SCN2A: variants seen among roughly 807,000 people sequenced by gnomAD.
SCN2A encodes the protein sodium voltage-gated channel alpha subunit 2.
A neutral mutation model predicts 188.7 loss-of-function variants in SCN2A; 20 were observed. The observed-to-expected ratio is 0.11, with a 90% CI of 0.07 to 0.15. SCN2A has a LOEUF of 0.15. SCN2A is among the 10% of genes least tolerant of loss of function. SCN2A has a pLI of 1.00. For missense variants in SCN2A, 1,278 were observed against 2,445.0 expected (o/e 0.52, Z 10.07); for synonymous variants, 804 against 833.1 (o/e 0.97, Z 0.60).
At chr2:165,268,559 A>G (rs1694974613) in intron 1 of SCN2A, 1 of 152,426 alleles carries the variant, frequency 6.6e-6, no homozygotes, top group Non-Finnish European at 1.5e-5. Flanking sequence ...GCCATCTGTG[A>G]CAAACCCAGA....
intron 1 of SCN2A, among the ~76,000 whole-genome samples, chr2:165,286,850 G>A (rs1222875307): frequency 6.6e-6 from 1 of 152,116 alleles, no homozygotes; most frequent in Non-Finnish European, 1.5e-5. Context: ...GGGAAATGAG[G>A]TGTGTCCAAT....
rs141269163 is a variant in SCN2A, at chr2:165,315,665, G to A, written c.1578G>A (p.Ser526=). 9 of 1,613,888 alleles carry A rather than the reference G, an allele frequency of 5.6e-6. No individual in the cohort carries two copies. The highest frequency in any genetic ancestry group is 1.3e-5 in the African/African-American group (1 of 74,908). Residue 526 remains serine, a synonymous_variant, in exon 11 of 27, where the codon TCG becomes TCA. Transcript: ENST00000375437. The part of the protein sequence containing the change: ...EEEKNDRVRK[S]ESEDSIRRKG... ...AGAAAAATGACAGAGTCCGAAAATC[G>A]GAATCTGAAGACAGCATAAGAAGAA...
chr2:165,304,226 T>A (rs1272823135), intron 3 of SCN2A, among the ~76,000 whole-genome samples: 1 of 152,010 alleles, frequency 6.6e-6, no homozygotes, highest in Non-Finnish European at 1.5e-5. Context: ...GCCTCCTGAT[T>A]AGCTGGGATT....
At position 165,313,937 on chromosome 2, in the gene SCN2A, T is replaced by C. The variant is rs1354055838; in HGVS notation, c.1212T>C (p.Phe404=). 1 of 1,613,758 alleles carries C rather than the reference T, an allele frequency of 6.2e-7. No homozygotes were observed. Among genetic ancestry groups the C allele is most frequent in the Admixed American group, 1.7e-5 (1 of 59,988 alleles). ...CTGCTGGGAAAACGTACATGATATT[T>C]TTTGTGCTGGTCATTTTCTTGGGCT... The part of the protein sequence containing the change: ...LRAAGKTYMI[F]FVLVIFLGSF... Residue 404 remains phenylalanine, a synonymous_variant, in exon 10 of 27, where the codon TTT becomes TTC. Coordinates refer to ENST00000375437, the MANE Select transcript of SCN2A (RefSeq NM_001040142.2).
chr2:165,297,184 G>C, intron 3 of SCN2A, 49 bp downstream of exon 3: 1 of 1,105,550 alleles, frequency 9.0e-7, no homozygotes, highest in Non-Finnish European at 1.4e-6. Flanking sequence ...CTTTGACCAA[G>C]TTATTGAGCT....
At chr2:165,292,216 G>C (rs918326000) in intron 1 of SCN2A, among the ~76,000 whole-genome samples, 1 of 152,124 alleles carries the variant, frequency 6.6e-6, no homozygotes, top group East Asian at 1.9e-4. Context: ...CAATTAGTTT[G>C]AGACATCTTT....
rs1344682097 is a variant in SCN2A at position 165,354,420 on chromosome 2, G to A, written c.3148G>A (p.Asp1050Asn). Residue 1050 changes from aspartate (D) to asparagine (N), a missense_variant, in exon 17 of 27, where the codon GAC becomes AAC. Asp to Asn is a conservative substitution (Grantham distance 23). Transcript: ENST00000375437. ...GCTTGAAGATCTAAATAATAAAAAAGACAGCTGTATTTCCAACCATACCAC... is the reference window on the plus strand; with the variant it reads ...GCTTGAAGATCTAAATAATAAAAAAAACAGCTGTATTTCCAACCATACCAC... ...KPLEDLNNKK[D>N]SCISNHTTIE... The A allele has an allele frequency of 6.2e-7, 1 of 1,613,970 alleles. No homozygotes were observed. The highest frequency in any genetic ancestry group is 8.5e-7 in the Non-Finnish European group (1 of 1,180,002).
At chr2:165,243,974 C>T (rs1346787135) in intron 1 of SCN2A, 2 of 152,018 alleles carry the variant, frequency 1.3e-5, no homozygotes, top group Admixed American at 1.3e-4. Flanking sequence ...GATGGGCCAC[C>T]GTGGCTCTTG....
At chr2:165,244,663 A>G (rs1274569983) in intron 1 of SCN2A, among the ~76,000 whole-genome samples, 2 of 152,188 alleles carry the variant, frequency 1.3e-5, no homozygotes, top group Non-Finnish European at 2.9e-5. Context: ...GTTTGTACTT[A>G]CTAAAATAAC....
Position 165,315,614 on chromosome 2 carries a change from A to G in SCN2A, c.1527A>G (p.Lys509=), listed in dbSNP as rs150087890. The G allele has an allele frequency of 3.1e-6, 5 of 1,613,940 alleles. No individual in the cohort carries two copies. The African/African-American group carries it at 6.7e-5, about 22-fold the overall frequency. Reference sequence around the variant, plus strand: ...TGAAAAACAGAAGAAAGAAAAAGAAACAGAAAGAACAGTCTGGAGAAGAAG... The same window carrying G: ...TGAAAAACAGAAGAAAGAAAAAGAAGCAGAAAGAACAGTCTGGAGAAGAAG... The part of the protein sequence containing the change: ...KELKNRRKKK[K]QKEQSGEEEK... Residue 509 remains lysine (K), a synonymous_variant, in exon 11 of 27, where the codon AAA becomes AAG. Transcript: ENST00000375437.
chr2:165,357,438 A>G (rs2105342763), intron 17 of SCN2A, among the ~76,000 whole-genome samples: 1 of 152,230 alleles, frequency 6.6e-6, no homozygotes, highest in East Asian at 1.9e-4. Context: ...TGTCTAAATG[A>G]ATTTTTTTAT....
Position 165,370,051 on chromosome 2 carries a change from G to A in SCN2A, c.3676-75G>A, listed in dbSNP as rs1018002382. The A allele has an allele frequency of 6.0e-5, 80 of 1,337,628 alleles. 1 individual carries two copies. The highest frequency in any genetic ancestry group is 4.9e-4 in the South Asian group (40 of 82,206). 82.9% of individuals were successfully genotyped at this position (1,337,628 alleles called of 1,614,324 possible). ...TAGGCACCTGATAAGAGCTTGCATC[G>A]TTTCCTTTTTTAAGAAATCATCAAT... On this transcript the variant is annotated intron_variant, in intron 19 of 26. Coordinates refer to ENST00000375437, the MANE Select transcript of SCN2A (RefSeq NM_001040142.2).
chr2:165,308,325 T>A (rs1451116375), intron 4 of SCN2A, among the ~76,000 whole-genome samples: 2 of 152,172 alleles, frequency 1.3e-5, no homozygotes, highest in Non-Finnish European at 2.9e-5. Context: ...GCATATTTTA[T>A]GAAATACAAA....
At chr2:165,352,584 G>A (rs6720894) in intron 16 of SCN2A, among the ~76,000 whole-genome samples, 5,944 of 152,134 alleles carry the variant, frequency 0.039, 374 homozygotes, top group African/African-American at 0.13. Flanking sequence ...CAAAATGCTC[G>A]GAAGTTCAAA....
intron 21 of SCN2A, 124 bp downstream of exon 21, chr2:165,373,471 C>A: frequency 2.7e-6 from 3 of 1,092,506 alleles, no homozygotes; most frequent in Non-Finnish European, 4.0e-6. Context: ...CATAGCTAAT[C>A]AATCAAAAAT....
chr2:165,251,865 T>C (rs1233667104), intron 1 of SCN2A, among the ~76,000 whole-genome samples: 6 of 152,084 alleles, frequency 3.9e-5, no homozygotes, highest in Non-Finnish European at 8.8e-5. Context: ...ACAGGCACTG[T>C]TGGAATAATT....
chr2:165,330,595 A>G (rs1242238003), intron 13 of SCN2A, among the ~76,000 whole-genome samples: 1 of 152,158 alleles, frequency 6.6e-6, no homozygotes, highest in Non-Finnish European at 1.5e-5. Flanking sequence ...ATACATTTAA[A>G]TAAATGTTTA....
At chr2:165,365,946 A>G (rs765400424) in intron 18 of SCN2A, among the ~76,000 whole-genome samples, 1 of 152,166 alleles carries the variant, frequency 6.6e-6, no homozygotes, top group East Asian at 1.9e-4. Flanking sequence ...TGTGTATCAA[A>G]CCACCAAAAA....
chr2:165,272,746 A>G (rs1173324067), intron 1 of SCN2A: 1 of 151,024 alleles, frequency 6.6e-6, no homozygotes, highest in Admixed American at 6.6e-5. Flanking sequence ...TAATCAATCC[A>G]TGGATCAAAG....
Sources: allele counts gnomAD v4.1 joint callset (sites outside exome capture counted in the v4.1 genomes callset), GRCh38; gene constraint gnomAD v4.1.1; transcripts MANE v1.5; gene names NCBI Gene and HGNC (gene_info 2026-07-23, HGNC 2026-07-21).